Variants in MARCHF3 observed in about 807,000 individuals in gnomAD.
MARCHF3 encodes the protein membrane associated ring-CH-type finger 3.
In MARCHF3, 13 loss-of-function variants were observed where a neutral mutation model predicts 24.2. The observed-to-expected ratio is 0.54, with a 90% confidence interval of 0.35 to 0.85. The LOEUF (loss-of-function observed/expected upper bound fraction) is 0.85. MARCHF3 is among the 40% of genes least tolerant of loss of function. MARCHF3 has a pLI of 0.01. For missense variants in MARCHF3, 276 were observed against 325.0 expected, an observed-to-expected ratio of 0.85 and a Z score of 1.16; for synonymous variants, 144 against 137.3, an observed-to-expected ratio of 1.05 and a Z score of -0.34.
intron 3 of MARCHF3, among the ~76,000 whole-genome samples, chr5:126,881,881 A>G (rs1052032110): frequency 6.6e-6 from 1 of 152,202 alleles, no homozygotes. Flanking sequence ...ACAGAGTGAG[A>G]GAGAGGGACA....
Position 126,918,155 on chromosome 5 carries a change from C to T in MARCHF3, c.17G>A (p.Cys6Tyr). Residue 6 changes from cysteine to tyrosine, a missense_variant, in exon 2 of 5, where the codon TGC (cysteine) becomes TAC (tyrosine). Transcript: ENST00000308660. Reference protein sequence around the residue: MTTSRCSHLPEVLPDC... With the variant: MTTSRYSHLPEVLPDC... ...TGGCAGGACTTCGGGCAGGTGACTG[C>T]AGCGGCTGGTTGTCATGGTAACAGA... 6.2e-7 allele frequency: 1 copy of T among 1,613,452 alleles called. No homozygotes were observed. The highest frequency in any genetic ancestry group is 1.7e-4 in the Middle Eastern group (1 of 5,816).
chr5:126,956,133 T>G (rs776459571), intron 1 of MARCHF3, among the ~76,000 whole-genome samples: 1 of 152,218 alleles, frequency 6.6e-6, no homozygotes, highest in Non-Finnish European at 1.5e-5. Context: ...ACTGTTAAAA[T>G]GAATAGGTCT....
At chr5:126,995,269 G>A (rs142239366) in intron 1 of MARCHF3, among the ~76,000 whole-genome samples, 4 of 152,314 alleles carry the variant, frequency 2.6e-5, no homozygotes, top group East Asian at 1.9e-4. Context: ...GCACTAATAC[G>A]TAAATCAATT....
chr5:126,945,852 C>T (rs558658121), intron 1 of MARCHF3, among the ~76,000 whole-genome samples: 1 of 152,288 alleles, frequency 6.6e-6, no homozygotes, highest in African/African-American at 2.4e-5. Context: ...GAAGCTATAA[C>T]TGAAGTGCTT....
At chr5:126,910,141 G>T (rs1299505182) in intron 3 of MARCHF3, among the ~76,000 whole-genome samples, 1 of 152,134 alleles carries the variant, frequency 6.6e-6, no homozygotes, top group Non-Finnish European at 1.5e-5. Flanking sequence ...ATCCTAGAAG[G>T]CCTTTCCTCC....
In MARCHF3 at chr5:126,870,603, G is replaced by A. The variant is rs1446416078; in HGVS notation, c.*30C>T. On this transcript the variant is annotated 3_prime_UTR_variant, in exon 5 of 5. Coordinates refer to ENST00000308660, the MANE Select transcript of MARCHF3 (RefSeq NM_178450.5). ...CAGACACTTCCAAACCCCAAACAAT[G>A]AATCAAACAACCAACCAACCATACA... 1 of 1,604,204 alleles carries A rather than the reference G, an allele frequency of 6.2e-7. No individual in the cohort carries two copies. Among genetic ancestry groups the A allele is most frequent in the Non-Finnish European group, 8.5e-7 (1 of 1,175,160 alleles).
intron 1 of MARCHF3, among the ~76,000 whole-genome samples, chr5:126,922,514 T>C (rs944986150): frequency 1.7e-5 from 1 of 57,464 alleles, no homozygotes; most frequent in Non-Finnish European, 4.8e-5. Flanking sequence ...TTTCTGTCTT[T>C]TATTTATTTA....
rs190254101 is a variant in MARCHF3 at position 126,946,421 on chromosome 5, G to C, written c.-56-28194C>G. The C allele has an allele frequency of 4.1e-5, 6 of 146,140 alleles. No individual in the cohort carries two copies. In the South Asian group the frequency reaches 1.1e-3, roughly 27 times the overall value. The allele number at this position is 146,140 out of a possible 1,614,324, so 9.1% of individuals were successfully genotyped here. A position where few individuals can be genotyped will look rare whatever the true frequency, so the allele number is the denominator to read the frequency against. On this transcript the variant is annotated intron_variant, in intron 1 of 4. Coordinates refer to ENST00000308660, the MANE Select transcript of MARCHF3 (RefSeq NM_178450.5). ...AGAATTAAATTAAAAAAAAATGCCA[G>C]AGTCCATCACATGTTGCAAAGTTAA...
chr5:126,899,305 A>AATAATTGAAGAG, intron 3 of MARCHF3: 1 of 985,300 alleles, frequency 1.0e-6, no homozygotes, highest in Non-Finnish European at 1.2e-6. Flanking sequence ...AGGGAGAGCC[A>AATAATTGAAGAG]CAAATAATTG....
intron 1 of MARCHF3, among the ~76,000 whole-genome samples, chr5:126,932,087 T>C (rs1749496115): frequency 1.3e-5 from 2 of 152,176 alleles, no homozygotes; most frequent in East Asian, 1.9e-4. Context: ...GCTGCAAGGA[T>C]TGTGTTAGGG....
intron 3 of MARCHF3, among the ~76,000 whole-genome samples, chr5:126,906,881 G>A (rs1012398465): frequency 2.6e-5 from 4 of 151,942 alleles, no homozygotes; most frequent in African/African-American, 9.7e-5. Context: ...GTTTGCTCTT[G>A]CATTTCTAGT....
At chr5:127,007,352 A>T (rs1752341034) in intron 1 of MARCHF3, among the ~76,000 whole-genome samples, 1 of 151,926 alleles carries the variant, frequency 6.6e-6, no homozygotes, top group South Asian at 2.1e-4. Flanking sequence ...CAAGTAAAAA[A>T]AAAAAAACCT....
At chr5:126,917,909 C>A in intron 2 of MARCHF3, 75 bp downstream of exon 2, 1 of 1,470,974 alleles carries the variant, frequency 6.8e-7, no homozygotes, top group African/African-American at 1.4e-5. Context: ...TAATTACATT[C>A]CCATTAGCAT....
intron 4 of MARCHF3, among the ~76,000 whole-genome samples, chr5:126,877,875 C>T (rs1753213571): frequency 6.6e-6 from 1 of 152,160 alleles, no homozygotes; most frequent in Non-Finnish European, 1.5e-5. Context: ...AATGCCAAGA[C>T]TCATAACAGA....
At chr5:126,983,137 T>C (rs1041071508) in intron 1 of MARCHF3, among the ~76,000 whole-genome samples, 2 of 152,206 alleles carry the variant, frequency 1.3e-5, no homozygotes, top group African/African-American at 4.8e-5. Flanking sequence ...GGCTTAACCA[T>C]GCAGAGGAAT....
At chr5:126,952,666 T>C (rs1221073039) in intron 1 of MARCHF3, among the ~76,000 whole-genome samples, 1 of 152,180 alleles carries the variant, frequency 6.6e-6, no homozygotes, top group Non-Finnish European at 1.5e-5. Context: ...CTTTATAACT[T>C]TAAATAATAT....
chr5:127,028,162 G>A (rs1013662), intron 1 of MARCHF3, among the ~76,000 whole-genome samples: 70,393 of 151,928 alleles, frequency 0.46, 16,782 homozygotes, highest in East Asian at 0.67. Flanking sequence ...AGTTTATTCC[G>A]CCCATATATA....
chr5:126,878,278 G>A lies in MARCHF3; in HGVS notation c.510C>T (p.Ala170=), dbSNP rs761244095. 1.4e-5 allele frequency: 22 copies of A among 1,614,116 alleles called. 1 individual carries two copies. Among genetic ancestry groups the A allele is most frequent in the South Asian group, 1.2e-4 (11 of 91,088 alleles). Residue 170 remains alanine, a synonymous_variant, in exon 4 of 5, where the codon GCC becomes GCT. Coordinates refer to ENST00000308660, the MANE Select transcript of MARCHF3 (RefSeq NM_178450.5). The stretch of plus-strand genomic sequence containing the variant: ...GACTACTAAAGTGCAGGTGGTCCAC[G>A]GCGCCCCGCAGGCACAGCCAGCCCG... ...TISGWLCLRG[A]VDHLHFSSRL...
At chr5:126,994,275 C>T (rs944517500) in intron 1 of MARCHF3, among the ~76,000 whole-genome samples, 2 of 152,088 alleles carry the variant, frequency 1.3e-5, no homozygotes, top group African/African-American at 4.8e-5. Flanking sequence ...CATATGATTC[C>T]ATTTATATGA....
Sources: gnomAD v4.1 joint callset for allele counts (sites outside exome capture counted in the v4.1 genomes callset) on GRCh38, gnomAD v4.1.1 for gene constraint, MANE v1.5 for transcripts, NCBI Gene and HGNC (gene_info 2026-07-23, HGNC 2026-07-21) for gene names.